Variants in BBS9 observed in about 807,000 individuals in gnomAD.
BBS9 encodes protein PTHB1.
A neutral mutation model predicts 117.7 loss-of-function variants in BBS9; 89 were observed. The observed-to-expected ratio is 0.76, with a 90% CI of 0.64 to 0.90. The LOEUF (loss-of-function observed/expected upper bound fraction) is 0.90. Among genes scored for constraint, BBS9 ranks in the 40% least tolerant of loss-of-function variants. BBS9 has a pLI of 0.00. For synonymous variants in BBS9, 379 were observed against 370.9 expected (o/e 1.02, Z -0.25); for missense variants, 982 against 1,042.2 (o/e 0.94, Z 0.80).
At chr7:33,330,536 A>C (rs1460742503) in intron 9 of BBS9, among the ~76,000 whole-genome samples, 2 of 152,136 alleles carry the variant, frequency 1.3e-5, no homozygotes, top group Non-Finnish European at 2.9e-5. Flanking sequence ...TTATAGCAAA[A>C]GTTTTCTTAC....
In BBS9 at chr7:33,462,243, A is replaced by G. The variant is rs999446343; in HGVS notation, c.2116-43220A>G. Among the ~76,000 whole-genome samples the G allele has an allele frequency of 5.3e-5, 8 of 152,070 alleles. No individual in the cohort carries two copies. The East Asian group carries it at 1.5e-3, about 29-fold the overall frequency. ...AACATATAAAATATTCCAAATTTGGATCATTAGCCATGACTGTCTTTTGTA... is the reference window on the plus strand; with the variant it reads ...AACATATAAAATATTCCAAATTTGGGTCATTAGCCATGACTGTCTTTTGTA... On this transcript the variant is annotated intron_variant, in intron 19 of 22. Coordinates refer to ENST00000242067, the MANE Select transcript of BBS9 (RefSeq NM_198428.3).
chr7:33,378,463 T>C (rs1824311614), intron 17 of BBS9, among the ~76,000 whole-genome samples: 1 of 152,234 alleles, frequency 6.6e-6, no homozygotes, highest in Non-Finnish European at 1.5e-5. Context: ...CTGCATGTGA[T>C]GTTTCTCTGT....
chr7:33,388,274 A>G, intron 19 of BBS9, 130 bp downstream of exon 19: 1 of 1,151,776 alleles, frequency 8.7e-7, no homozygotes, highest in East Asian at 2.5e-5. Context: ...AACAGTGCAC[A>G]AGCTTTAGAG....
intron 5 of BBS9, among the ~76,000 whole-genome samples, chr7:33,237,175 C>G (rs1243788592): frequency 6.6e-6 from 1 of 152,094 alleles, no homozygotes; most frequent in Non-Finnish European, 1.5e-5. Flanking sequence ...AGTGAGCAAC[C>G]TTGCAGTTGG....
chr7:33,527,236 C>T (rs892410702), intron 20 of BBS9, among the ~76,000 whole-genome samples: 1 of 152,214 alleles, frequency 6.6e-6, no homozygotes, highest in African/African-American at 2.4e-5. Flanking sequence ...GTGGAGCCTA[C>T]AGAAGCAGGC....
chr7:33,210,185 T>C (rs941789319), intron 5 of BBS9, among the ~76,000 whole-genome samples: 1 of 139,008 alleles, frequency 7.2e-6, no homozygotes, highest in African/African-American at 2.5e-5. Flanking sequence ...TTAATTTCCA[T>C]GTATTTGTAT....
chr7:33,310,044 TG>T (rs1189275458), intron 9 of BBS9, among the ~76,000 whole-genome samples: 2 of 152,210 alleles, frequency 1.3e-5, no homozygotes, highest in Non-Finnish European at 2.9e-5. Context: ...CTGCAAGACC[TG>T]TACTTTCCAG....
intron 17 of BBS9, among the ~76,000 whole-genome samples, chr7:33,382,464 A>AC (rs1410544817): frequency 6.6e-6 from 1 of 150,432 alleles, no homozygotes; most frequent in Non-Finnish European, 1.5e-5. Context: ...TGTCTCAAAA[A>AC]AAAAAAAAAA....
At chr7:33,402,602 C>T (rs1429284058) in intron 19 of BBS9, among the ~76,000 whole-genome samples, 1 of 152,190 alleles carries the variant, frequency 6.6e-6, no homozygotes, top group Non-Finnish European at 1.5e-5. Context: ...TGGAATCATA[C>T]AATATGTAGT....
chr7:33,547,697 C>G (rs931005069), intron 21 of BBS9, among the ~76,000 whole-genome samples: 2 of 152,140 alleles, frequency 1.3e-5, no homozygotes, highest in Non-Finnish European at 1.5e-5. Context: ...ACAAGGCCAG[C>G]CATTTAGCAA....
At chr7:33,526,874 T>G (rs1407264978) in intron 20 of BBS9, among the ~76,000 whole-genome samples, 3 of 150,904 alleles carry the variant, frequency 2.0e-5, no homozygotes, top group African/African-American at 7.3e-5. Context: ...CCCATCTTTG[T>G]GGTTTTATCT....
intron 1 of BBS9, among the ~76,000 whole-genome samples, chr7:33,134,769 T>C (rs1181101124): frequency 6.6e-6 from 1 of 152,130 alleles, no homozygotes; most frequent in Admixed American, 6.5e-5. Flanking sequence ...GCTTATTTTT[T>C]CTTTTTTGTA....
At chr7:33,516,551 T>TTA (rs1847849466) in intron 20 of BBS9, among the ~76,000 whole-genome samples, 2 of 138,748 alleles carry the variant, frequency 1.4e-5, no homozygotes, top group Admixed American at 1.5e-4. Flanking sequence ...AGTAAAGAAA[T>TTA]TATCACTGTA....
At chr7:33,222,426 A>G (rs1022450723) in intron 5 of BBS9, among the ~76,000 whole-genome samples, 3 of 152,150 alleles carry the variant, frequency 2.0e-5, no homozygotes, top group Admixed American at 6.5e-5. Context: ...TTCTAATAAC[A>G]TAGGAAATGA....
intron 19 of BBS9, among the ~76,000 whole-genome samples, chr7:33,489,950 T>G (rs545456370): frequency 6.6e-6 from 1 of 152,346 alleles, no homozygotes; most frequent in African/African-American, 2.4e-5. Context: ...AAAAAGTGGC[T>G]GTGTGAATCA....
Position 33,527,349 on chromosome 7 carries a change from C to G in BBS9, c.2299-6605C>G, listed in dbSNP as rs899719470. The stretch of plus-strand genomic sequence containing the variant: ...ATGGTGGGCGCCCCTCCCCCAGCCT[C>G]GCTGCCGCCTTGCAGTGTGATCTCA... On this transcript the variant is annotated intron_variant, in intron 20 of 22. Transcript: ENST00000242067. Among the ~76,000 whole-genome samples, 110 of 152,216 alleles carry G rather than the reference C, an allele frequency of 7.2e-4. 1 individual carries two copies. In the South Asian group the frequency reaches 0.015, roughly 21 times the overall value.
chr7:33,386,086 A>T (rs1442762424), intron 18 of BBS9, among the ~76,000 whole-genome samples: 1 of 152,208 alleles, frequency 6.6e-6, no homozygotes, highest in Non-Finnish European at 1.5e-5. Context: ...CATATGTAAC[A>T]AACCTGCACG....
intron 5 of BBS9, among the ~76,000 whole-genome samples, chr7:33,213,846 T>C (rs1272592660): frequency 6.6e-6 from 1 of 151,732 alleles, no homozygotes; most frequent in Non-Finnish European, 1.5e-5. Flanking sequence ...GCTAAGGTGG[T>C]ATCCAGGATG....
intron 19 of BBS9, among the ~76,000 whole-genome samples, chr7:33,398,441 C>G (rs1828366148): frequency 6.6e-6 from 1 of 152,196 alleles, no homozygotes; most frequent in South Asian, 2.1e-4. Context: ...TGGATGTTCT[C>G]TTACTCTGTC....
Sources: allele counts gnomAD v4.1 joint callset (sites outside exome capture counted in the v4.1 genomes callset), GRCh38; gene constraint gnomAD v4.1.1; transcripts MANE v1.5; gene names NCBI Gene and HGNC (gene_info 2026-07-23, HGNC 2026-07-21).